The following FGFR1OP2 variants were observed in gnomAD, a reference collection of about 807,000 sequenced individuals.
The protein encoded by FGFR1OP2 is fibroblast growth factor receptor 1 oncogene partner 2.
Under a neutral mutation model 35.2 loss-of-function variants are expected in FGFR1OP2, and 17 were observed. The ratio of observed to expected loss-of-function variants is 0.48; its 90% CI spans 0.33 to 0.73. The LOEUF (loss-of-function observed/expected upper bound fraction) is 0.73, where lower values mean the gene tolerates loss of function less well. FGFR1OP2 is among the 30% of genes least tolerant of loss of function. The probability of loss-of-function intolerance (pLI) is 0.02; values close to 1 mark genes in which losing one functional copy is unlikely to be tolerated. For synonymous variants in FGFR1OP2, 105 were observed against 104.6 expected (o/e 1.00, Z -0.03); for missense variants, 251 against 307.3 (o/e 0.82, Z 1.37).
intron 1 of FGFR1OP2, among the ~76,000 whole-genome samples, chr12:26,940,301 TC>T (rs1377806847): frequency 6.6e-6 from 1 of 152,208 alleles, no homozygotes; most frequent in Admixed American, 6.5e-5. Context: ...AAAAAAATCC[TC>T]CAGTGTCATT....
At position 26,948,176 on chromosome 12, in the gene FGFR1OP2, T is replaced by C. The variant is rs1004870345; in HGVS notation, c.-14-5969T>C. 3.9e-5 allele frequency among the ~76,000 whole-genome samples: 6 copies of C among 152,340 alleles called. No individual in the cohort carries two copies. The East Asian group carries it at 1.2e-3, about 29-fold the overall frequency. Reference sequence around the variant, plus strand: ...TAAAAATCTCATTAGATAAATGTTATAATTCTTGTTTTTAAACATTAGACA... The same window carrying C: ...TAAAAATCTCATTAGATAAATGTTACAATTCTTGTTTTTAAACATTAGACA... On this transcript the variant is annotated intron_variant, in intron 1 of 6. Transcript: ENST00000229395.
chr12:26,960,400 A>G (rs1466320455), intron 4 of FGFR1OP2, 115 bp from the exon 5 acceptor site: 1 of 596,644 alleles, frequency 1.7e-6, no homozygotes, highest in Non-Finnish European at 2.6e-6. Context: ...CTTTTTGGAA[A>G]TCTTAAAAAA....
At chr12:26,949,121 G>C (rs372508304) in intron 1 of FGFR1OP2, among the ~76,000 whole-genome samples, 1 of 152,298 alleles carries the variant, frequency 6.6e-6, no homozygotes. Flanking sequence ...TTTAGTCGTT[G>C]ATTCACCATT....
At chr12:26,958,604 G>A (rs1423831044) in intron 4 of FGFR1OP2, among the ~76,000 whole-genome samples, 2 of 152,106 alleles carry the variant, frequency 1.3e-5, no homozygotes, top group African/African-American at 4.8e-5. Flanking sequence ...TTGCTCCCTT[G>A]CCCCAGTATT....
intron 2 of FGFR1OP2, 105 bp from the exon 3 acceptor site, chr12:26,956,437 AT>A (rs1484756122): frequency 3.7e-5 from 9 of 245,386 alleles, no homozygotes; most frequent in South Asian, 1.7e-4. Context: ...CTCTTATCAG[AT>A]TTTTTATATG....
chr12:26,950,422 T>C (rs972968348), intron 1 of FGFR1OP2, among the ~76,000 whole-genome samples: 4 of 151,844 alleles, frequency 2.6e-5, no homozygotes, highest in African/African-American at 9.7e-5. Context: ...GAGACGGAGT[T>C]TCACTGTGTT....
chr12:26,962,874 A>G (rs1381179878), intron 5 of FGFR1OP2: 2 of 152,414 alleles, frequency 1.3e-5, no homozygotes, highest in Admixed American at 6.5e-5. Context: ...CCTGCTCTCA[A>G]AGAGGATTAT....
At chr12:26,940,134 A>G (rs1938707790) in intron 1 of FGFR1OP2, among the ~76,000 whole-genome samples, 1 of 152,218 alleles carries the variant, frequency 6.6e-6, no homozygotes, top group African/African-American at 2.4e-5. Flanking sequence ...TGCTTGGAGT[A>G]TGTGCATTCA....
chr12:26,947,145 T>C (rs751580084), intron 1 of FGFR1OP2, among the ~76,000 whole-genome samples: 1 of 152,210 alleles, frequency 6.6e-6, no homozygotes, highest in Non-Finnish European at 1.5e-5. Flanking sequence ...TTTCCTGGTA[T>C]GTACCTAGGA....
chr12:26,941,350 A>G (rs1391738923), intron 1 of FGFR1OP2, among the ~76,000 whole-genome samples: 2 of 152,224 alleles, frequency 1.3e-5, no homozygotes, highest in Non-Finnish European at 2.9e-5. Flanking sequence ...ATGGTCTTCA[A>G]AAAAGGTGAT....
At chr12:26,961,278 A>G (rs1369856780) in intron 5 of FGFR1OP2, 1 of 152,188 alleles carries the variant, frequency 6.6e-6, no homozygotes, top group African/African-American at 2.4e-5. Context: ...GTGCTTGTTA[A>G]AAAATCTGTG....
intron 1 of FGFR1OP2, among the ~76,000 whole-genome samples, chr12:26,948,703 C>T (rs1938867818): frequency 6.6e-6 from 1 of 152,194 alleles, no homozygotes; most frequent in Non-Finnish European, 1.5e-5. Flanking sequence ...CAAAGTGTTA[C>T]ATCATCGAAA....
chr12:26,946,635 C>T (rs1938826937), intron 1 of FGFR1OP2, among the ~76,000 whole-genome samples: 2 of 152,172 alleles, frequency 1.3e-5, no homozygotes, highest in South Asian at 4.1e-4. Flanking sequence ...TATAGCCACT[C>T]TAGCTCTTTT....
chr12:26,956,703 A>G (rs774926375), intron 3 of FGFR1OP2, 43 bp downstream of exon 3: 5 of 1,180,860 alleles, frequency 4.2e-6, no homozygotes, highest in African/African-American at 1.5e-5. Context: ...TTTCTAGTCT[A>G]TATTCCTAAA....
At chr12:26,962,401 CTGTT>C (rs1185526855) in intron 5 of FGFR1OP2, 2 of 152,096 alleles carry the variant, frequency 1.3e-5, no homozygotes, top group South Asian at 2.1e-4. Flanking sequence ...ACTGAAGAGA[CTGTT>C]TATTTGGGGA....
In FGFR1OP2 at chr12:26,966,095, A is replaced by G. The variant is rs1939174245; in HGVS notation, c.*1362A>G. The G allele has an allele frequency of 6.6e-6, 1 of 152,080 alleles. No individual in the cohort carries two copies. Among genetic ancestry groups the G allele is most frequent in the Non-Finnish European group, 1.5e-5 (1 of 67,956 alleles). The allele number at this position is 152,080 out of a possible 1,614,324, so 9.4% of individuals were successfully genotyped here. A position where few individuals can be genotyped will look rare whatever the true frequency, so the allele number is the denominator to read the frequency against. On this transcript the variant is annotated 3_prime_UTR_variant, in exon 7 of 7. Transcript: ENST00000229395. Reference sequence around the variant, plus strand: ...TAATTTCATATATTGGTAAAATTCAAAACTACACTTGAGAATTTTTTTATC... The same window carrying G: ...TAATTTCATATATTGGTAAAATTCAGAACTACACTTGAGAATTTTTTTATC...
chr12:26,963,510 A>G (rs1565852601), intron 6 of FGFR1OP2, 55 bp downstream of exon 6: 2 of 1,113,474 alleles, frequency 1.8e-6, no homozygotes, highest in Admixed American at 2.3e-5. Flanking sequence ...GATTTATGCC[A>G]GAAAATATAT....
intron 1 of FGFR1OP2, among the ~76,000 whole-genome samples, chr12:26,945,048 A>G (rs1283603029): frequency 6.6e-6 from 1 of 152,198 alleles, no homozygotes; most frequent in African/African-American, 2.4e-5. Flanking sequence ...AGAGGTCTGT[A>G]GTGATGTCTC....
rs201396476 is a variant in FGFR1OP2 at position 26,939,236 on chromosome 12, A to AT, written c.-15+536dup. ...TTTCCACTTAACACTGCACTGTATT[A>AT]TTTTTTTTTTCGCCAGAATTAGTGC... On this transcript the variant is annotated intron_variant, in intron 1 of 6. Coordinates refer to ENST00000229395, the MANE Select transcript of FGFR1OP2 (RefSeq NM_015633.3). 7.5e-3 allele frequency among the ~76,000 whole-genome samples: 1,118 copies of AT among 148,290 alleles called. 14 individuals are homozygous for AT. The highest frequency in any genetic ancestry group is 0.026 in the African/African-American group (1,027 of 40,272).
Sources: gnomAD v4.1 joint callset for allele counts (sites outside exome capture counted in the v4.1 genomes callset) on GRCh38, gnomAD v4.1.1 for gene constraint, MANE v1.5 for transcripts, NCBI Gene and HGNC (gene_info 2026-07-23, HGNC 2026-07-21) for gene names.